Variants in ATP6V1C1 observed in about 807,000 individuals in gnomAD.
ATP6V1C1 encodes the protein ATPase H+ transporting V1 subunit C1.
A neutral mutation model predicts 53.9 loss-of-function variants in ATP6V1C1; 45 were observed. The observed-to-expected ratio is 0.83, with a 90% CI of 0.66 to 1.07. ATP6V1C1 has a LOEUF of 1.07. Among genes scored for constraint, ATP6V1C1 ranks in the 50% least tolerant of loss-of-function variants. ATP6V1C1 has a pLI of 0.00. For missense variants in ATP6V1C1, 315 were observed against 440.3 expected (o/e 0.72, Z 2.55); for synonymous variants, 153 against 155.2 (o/e 0.99, Z 0.11).
chr8:103,047,430 G>GCGCACACACACACACACACA (rs1491170438), intron 3 of ATP6V1C1, among the ~76,000 whole-genome samples: 2 of 104,950 alleles, frequency 1.9e-5, no homozygotes, highest in African/African-American at 6.9e-5. Context: ...AAATGCGCGC[G>GCGCACACACACACACACACA]CACACACACA....
At chr8:103,024,393 T>C (rs1816659842) in intron 1 of ATP6V1C1, among the ~76,000 whole-genome samples, 1 of 152,196 alleles carries the variant, frequency 6.6e-6, no homozygotes, top group South Asian at 2.1e-4. Context: ...TCTGATTTTG[T>C]GATTATTTCC....
intron 10 of ATP6V1C1, chr8:103,064,456 T>A (rs1512345): frequency 1.2e-4 from 30 of 256,968 alleles, no homozygotes; most frequent in African/African-American, 6.0e-4. Context: ...TATTAAAATA[T>A]ATACCTTTTT....
intron 1 of ATP6V1C1, among the ~76,000 whole-genome samples, chr8:103,028,672 T>G (rs1816739810): frequency 6.6e-6 from 1 of 152,178 alleles, no homozygotes; most frequent in Admixed American, 6.5e-5. Flanking sequence ...GTGAAGACAT[T>G]TATGCAGACA....
intron 5 of ATP6V1C1, 24 bp downstream of exon 5, chr8:103,051,168 A>G (rs1170185469): frequency 2.7e-6 from 4 of 1,509,324 alleles, no homozygotes; most frequent in Non-Finnish European, 3.7e-6. Context: ...TGAGACAAGT[A>G]GGACACATTG....
At chr8:103,058,451 G>A (rs1396763913) in intron 8 of ATP6V1C1, among the ~76,000 whole-genome samples, 1 of 152,196 alleles carries the variant, frequency 6.6e-6, no homozygotes, top group Non-Finnish European at 1.5e-5. Context: ...GCTTTTTTGA[G>A]TGAGCCTGGA....
At chr8:103,022,457 T>G (rs896983840) in intron 1 of ATP6V1C1, among the ~76,000 whole-genome samples, 1 of 151,966 alleles carries the variant, frequency 6.6e-6, no homozygotes, top group Non-Finnish European at 1.5e-5. Context: ...GCAGGTACAG[T>G]GCTGATGGTA....
chr8:103,023,301 G>A (rs60892495), intron 1 of ATP6V1C1, among the ~76,000 whole-genome samples: 20 of 144,064 alleles, frequency 1.4e-4, no homozygotes, highest in African/African-American at 4.0e-4. Context: ...TTTTTTTGGT[G>A]GGGGGGAGAT....
rs1364153023 is a variant in ATP6V1C1, at chr8:103,068,607, A to T, written c.1054-45A>T. 4.9e-6 allele frequency: 7 copies of T among 1,432,216 alleles called. No individual in the cohort carries two copies. The Admixed American group carries it at 6.4e-5, about 13-fold the overall frequency. The allele number at this position is 1,432,216 out of a possible 1,614,324, so 88.7% of individuals were successfully genotyped here. Reference sequence around the variant, plus strand: ...TGTTAATACTTGCTTTCTTTTTTTGAGTTCTGTAAATACAAAATTGAATAA... The same window carrying T: ...TGTTAATACTTGCTTTCTTTTTTTGTGTTCTGTAAATACAAAATTGAATAA... On this transcript the variant is annotated intron_variant, in intron 12 of 12. Coordinates refer to ENST00000518738, the MANE Select transcript of ATP6V1C1 (RefSeq NM_001695.5).
chr8:103,058,428 T>C (rs932557375), intron 8 of ATP6V1C1, among the ~76,000 whole-genome samples: 3 of 152,228 alleles, frequency 2.0e-5, no homozygotes, highest in African/African-American at 7.2e-5. Flanking sequence ...GCAGTTCATG[T>C]AGGGGCAAAT....
chr8:103,061,073 T>G (rs1817387730), intron 8 of ATP6V1C1, among the ~76,000 whole-genome samples: 2 of 152,216 alleles, frequency 1.3e-5, no homozygotes, highest in Admixed American at 1.3e-4. Context: ...GAGTAAATCT[T>G]GGCAAAGCAG....
At position 103,072,540 on chromosome 8, in the gene ATP6V1C1, T is replaced by G. The variant is rs554756658; in HGVS notation, c.*3793T>G. The stretch of plus-strand genomic sequence containing the variant: ...TCTGGAGGAAACCTAGCAAAAACTT[T>G]GCTAGTTTAGTACTTGTCTCTAAAT... On this transcript the variant is annotated 3_prime_UTR_variant, in exon 13 of 13. Transcript: ENST00000518738. The G allele has an allele frequency of 1.3e-5, 2 of 152,368 alleles. No individual in the cohort carries two copies. The highest frequency in any genetic ancestry group is 1.5e-5 in the Non-Finnish European group (1 of 68,030). 9.4% of individuals were successfully genotyped at this position (152,368 alleles called of 1,614,324 possible).
chr8:103,049,942 G>A (rs1225157670), intron 4 of ATP6V1C1, among the ~76,000 whole-genome samples: 1 of 151,790 alleles, frequency 6.6e-6, no homozygotes, highest in Non-Finnish European at 1.5e-5. Context: ...GGGTGACAGA[G>A]CAAGACCCTG....
chr8:103,042,467 G>A, intron 3 of ATP6V1C1, 60 bp downstream of exon 3: 1 of 1,529,540 alleles, frequency 6.5e-7, no homozygotes, highest in Non-Finnish European at 9.0e-7. Flanking sequence ...CAGGCTTCAT[G>A]GACACTGGGT....
intron 10 of ATP6V1C1, among the ~76,000 whole-genome samples, chr8:103,064,360 A>G (rs923383101): frequency 3.9e-5 from 6 of 152,180 alleles, no homozygotes; most frequent in Non-Finnish European, 7.4e-5. Flanking sequence ...TAAATGTTTT[A>G]GAGTGTTGTG....
chr8:103,069,404 C>G lies in ATP6V1C1; in HGVS notation c.*657C>G, dbSNP rs1170964627. 2 of 152,138 alleles carry G rather than the reference C, an allele frequency of 1.3e-5. No homozygotes were observed. Among genetic ancestry groups the G allele is most frequent in the Non-Finnish European group, 2.9e-5 (2 of 68,010 alleles). 9.4% of individuals were successfully genotyped at this position (152,138 alleles called of 1,614,324 possible). On this transcript the variant is annotated 3_prime_UTR_variant, in exon 13 of 13. Coordinates refer to ENST00000518738, the MANE Select transcript of ATP6V1C1 (RefSeq NM_001695.5). ...GCTGAGGTGTAACCATTTGTGTTGT[C>G]TGACTTTCGTATGATTTAATTGAGC...
intron 3 of ATP6V1C1, among the ~76,000 whole-genome samples, chr8:103,043,346 G>A (rs575132250): frequency 2.5e-4 from 38 of 151,822 alleles, no homozygotes; most frequent in African/African-American, 8.2e-4. Context: ...TTTTTGAGAC[G>A]GAGTCTCGCT....
chr8:103,065,974 G>A (rs781117997), intron 11 of ATP6V1C1, among the ~76,000 whole-genome samples: 4 of 151,590 alleles, frequency 2.6e-5, no homozygotes, highest in Admixed American at 1.3e-4. Context: ...CCCAGGAGGC[G>A]GAGATTGCAG....
At chr8:103,066,295 G>A (rs112591230) in intron 11 of ATP6V1C1, 26 bp from the exon 12 acceptor site, 196 of 1,593,140 alleles carry the variant, frequency 1.2e-4, no homozygotes, top group Middle Eastern at 8.4e-4. Flanking sequence ...CTTGTATTGC[G>A]TACTGTATTT....
intron 1 of ATP6V1C1, among the ~76,000 whole-genome samples, chr8:103,032,892 A>G (rs141580232): frequency 1.4e-3 from 212 of 152,322 alleles, no homozygotes; most frequent in African/African-American, 4.4e-3. Context: ...AGGAATGTTC[A>G]TAGAATCTCT....
Sources: allele counts gnomAD v4.1 joint callset (sites outside exome capture counted in the v4.1 genomes callset), GRCh38; gene constraint gnomAD v4.1.1; transcripts MANE v1.5; gene names NCBI Gene and HGNC (gene_info 2026-07-23, HGNC 2026-07-21).